Variants in KCNH2 observed in about 807,000 individuals in gnomAD.
The protein encoded by KCNH2 is voltage-gated inwardly rectifying potassium channel KCNH2.
Under a neutral mutation model 95.9 loss-of-function variants are expected in KCNH2, and 35 were observed. The observed-to-expected ratio is 0.37, with a 90% confidence interval of 0.28 to 0.48. The LOEUF is 0.48. Ranked by LOEUF, KCNH2 falls within the 20% of genes least tolerant of loss-of-function variation. The pLI is 0.99. For missense variants in KCNH2, 1,274 were observed against 1,702.9 expected, an observed-to-expected ratio of 0.75 and a Z score of 4.43; for synonymous variants, 786 against 754.7, an observed-to-expected ratio of 1.04 and a Z score of -0.68.
Position 150,947,982 on chromosome 7 carries a change from G to A in KCNH2, c.2693-104C>T. On this transcript the variant is annotated intron_variant, in intron 11 of 14. Transcript: ENST00000262186. ...GCGAGCCCGAGAGAGGACTGGGCAG[G>A]AAGCCCTGGTTTGTCCCCAGTCGCT... is the stretch of plus-strand genomic sequence containing the variant. 3 of 1,353,766 alleles carry A rather than the reference G, an allele frequency of 2.2e-6. No homozygotes were observed. The South Asian group carries it at 4.4e-5, about 20-fold the overall frequency. The allele number at this position is 1,353,766 out of a possible 1,614,324, so 83.9% of individuals were successfully genotyped here.
In KCNH2 at chr7:150,961,187, C is replaced by T. The variant is rs897826850; in HGVS notation, c.308-1451G>A. Among the ~76,000 whole-genome samples, 1 of 152,150 alleles carries T rather than the reference C, an allele frequency of 6.6e-6. No homozygotes were observed. Among genetic ancestry groups the T allele is most frequent in the African/African-American group, 2.4e-5 (1 of 41,420 alleles). ...TCATACGCCCTGGGGCCAGCACTGGCTGGTGGTGTCAGTGACAGGCCATGC... is the reference window on the plus strand; with the variant it reads ...TCATACGCCCTGGGGCCAGCACTGGTTGGTGGTGTCAGTGACAGGCCATGC... On this transcript the variant is annotated intron_variant, in intron 2 of 14. Transcript: ENST00000262186. This position sits in a 1 kb window ranked among gnomAD's most constrained non-coding sequence, Gnocchi z 6.2.
chr7:150,964,793 C>G (rs1327390492), intron 2 of KCNH2, among the ~76,000 whole-genome samples: 2 of 152,254 alleles, frequency 1.3e-5, no homozygotes, highest in Non-Finnish European at 2.9e-5. Context: ...TGTCCGCCCC[C>G]AGGCAGAGAG....
At chr7:150,967,538 C>T (rs557961739) in intron 2 of KCNH2, among the ~76,000 whole-genome samples, 17 of 152,222 alleles carry the variant, frequency 1.1e-4, no homozygotes, top group Non-Finnish European at 1.9e-4. Flanking sequence ...CACAATTCAG[C>T]GGAAAAGAAC....
intron 5 of KCNH2, among the ~76,000 whole-genome samples, chr7:150,956,999 C>G (rs1801395862): frequency 6.6e-6 from 1 of 152,212 alleles, no homozygotes; most frequent in Admixed American, 6.5e-5. Context: ...CTCAACTGCC[C>G]TGTCCTCACC....
chr7:150,960,735 T>C lies in KCNH2; in HGVS notation c.308-999A>G, dbSNP rs1042765048. On this transcript the variant is annotated intron_variant, in intron 2 of 14. Coordinates refer to ENST00000262186, the MANE Select transcript of KCNH2 (RefSeq NM_000238.4). Reference sequence around the variant, plus strand: ...CTCGCCTCGCGTTCCCCTCGATCCTTGACTTTTTCTTTTCCAGTCTCTCTC... The same window carrying C: ...CTCGCCTCGCGTTCCCCTCGATCCTCGACTTTTTCTTTTCCAGTCTCTCTC... Among the ~76,000 whole-genome samples the C allele has an allele frequency of 2.0e-4, 30 of 152,124 alleles. 2 individuals carry two copies. Among genetic ancestry groups the C allele is most frequent in the Non-Finnish European group, 5.9e-5 (4 of 68,014 alleles).
At position 150,949,182 on chromosome 7, in the gene KCNH2, C is replaced by A. The variant is rs41314360; in HGVS notation, c.2399-133G>T. On this transcript the variant is annotated intron_variant, in intron 9 of 14. Coordinates refer to ENST00000262186, the MANE Select transcript of KCNH2 (RefSeq NM_000238.4). ...GGGTCGCCTGCCAGCCGGCCCCCAA[C>A]CCACACAACCGGGGAAGCAATCTGC... 2,269 of 1,095,900 alleles carry A rather than the reference C, an allele frequency of 2.1e-3. 33 individuals are homozygous for A. The African/African-American group carries it at 0.029, about 14-fold the overall frequency. 67.9% of individuals were successfully genotyped at this position (1,095,900 alleles called of 1,614,324 possible). A position where few individuals can be genotyped will look rare whatever the true frequency, so the allele number is the denominator to read the frequency against.
intron 1 of KCNH2, among the ~76,000 whole-genome samples, chr7:150,976,816 A>C: frequency 9.2e-6 from 1 of 108,348 alleles, no homozygotes. Flanking sequence ...GGAGGCCCTC[A>C]ACCAGTGTCA....
chr7:150,970,263 C>G (rs1012546972), intron 2 of KCNH2, among the ~76,000 whole-genome samples: 9 of 139,470 alleles, frequency 6.5e-5, no homozygotes, highest in Non-Finnish European at 1.2e-4. Context: ...CAGTCTCCCC[C>G]CTCACACACC....
At chr7:150,966,548 G>A (rs965467903) in intron 2 of KCNH2, among the ~76,000 whole-genome samples, 10 of 151,936 alleles carry the variant, frequency 6.6e-5, no homozygotes, top group Non-Finnish European at 1.2e-4. Context: ...TGCAGATGAC[G>A]GGGTCACTTG....
Position 150,945,237 on chromosome 7 carries a change from G to A in KCNH2, c.*128C>T. On this transcript the variant is annotated 3_prime_UTR_variant, in exon 15 of 15. Coordinates refer to ENST00000262186, the MANE Select transcript of KCNH2 (RefSeq NM_000238.4). The surrounding 1 kb of genome is among the most constrained non-coding windows in gnomAD (Gnocchi z 5.6). ...GAGAAGATGGTCCCAAGGGCTGGGG[G>A]AGGAGCTGTGCTTTCGAGTTCCTCT... 9.5e-7 allele frequency: 1 copy of A among 1,054,996 alleles called. No homozygotes were observed. Among genetic ancestry groups the A allele is most frequent in the South Asian group, 1.6e-5 (1 of 60,854 alleles). 65.4% of individuals were successfully genotyped at this position (1,054,996 alleles called of 1,614,324 possible). A position where few individuals can be genotyped will look rare whatever the true frequency, so the allele number is the denominator to read the frequency against.
Position 150,947,030 on chromosome 7 carries a change from G to A in KCNH2, c.3177C>T (p.Asp1059=), listed in dbSNP as rs773125785. 1.2e-6 allele frequency: 2 copies of A among 1,606,424 alleles called. No homozygotes were observed. Among genetic ancestry groups the A allele is most frequent in the South Asian group, 1.1e-5 (1 of 90,588 alleles). The change falls in exon 14 of 15, where the codon GAC becomes GAT. Residue 1059 remains aspartate, a synonymous_variant. Transcript: ENST00000262186. ...GTAGCAGCTGCAGGACAGTGGCCAT[G>A]TCTGCACTCAGCCGGGTCTCCAGCC... ...LNRLETRLSA[D]MATVLQLLQR... is the part of the protein sequence containing the mutation.
At chr7:150,968,369 G>A (rs1039079302) in intron 2 of KCNH2, among the ~76,000 whole-genome samples, 2 of 152,218 alleles carry the variant, frequency 1.3e-5, no homozygotes, top group African/African-American at 4.8e-5. Context: ...CTCCCCGGGA[G>A]AGTGGGTGGG....
rs1263550894 is a variant in KCNH2, at chr7:150,946,850, C to A, written c.3330+27G>T. ...ATCGGGGAACAAGCGGGTCACGGTACATCGAGGAAGCAGGGCTGGAGCTTA... is the reference window on the plus strand; with the variant it reads ...ATCGGGGAACAAGCGGGTCACGGTAAATCGAGGAAGCAGGGCTGGAGCTTA... On this transcript the variant is annotated intron_variant, in intron 14 of 14. Coordinates refer to ENST00000262186, the MANE Select transcript of KCNH2 (RefSeq NM_000238.4). This position sits in a 1 kb window ranked among gnomAD's most constrained non-coding sequence, Gnocchi z 6.5. The A allele has an allele frequency of 6.3e-7, 1 of 1,588,538 alleles. No individual in the cohort carries two copies. Among genetic ancestry groups the A allele is most frequent in the South Asian group, 1.1e-5 (1 of 88,392 alleles).
In KCNH2 at chr7:150,950,939, G is replaced by A. The variant is rs768572372; in HGVS notation, c.2127C>T (p.Asn709=). Residue 709 remains asparagine, a synonymous_variant, in exon 8 of 15, where the codon AAC becomes AAT. Coordinates refer to ENST00000262186, the MANE Select transcript of KCNH2 (RefSeq NM_000238.4). The part of the protein sequence containing the change: ...EYFQHAWSYT[N]GIDMNAVLKG... ...GCCTCACCGCGTTCATGTCGATGCC[G>A]TTGGTGTAGGACCAGGCGTGCTGGA... 8.5e-5 allele frequency: 138 copies of A among 1,614,082 alleles called. No individual in the cohort carries two copies. In the South Asian group the frequency reaches 1.3e-3, roughly 15 times the overall value.
intron 5 of KCNH2, chr7:150,955,938 G>A (rs1275904159): frequency 1.1e-4 from 86 of 753,204 alleles, no homozygotes; most frequent in East Asian, 1.3e-4. Context: ...CTCCTGCAGC[G>A]GCGCTCCCGC....
At position 150,951,650 on chromosome 7, in the gene KCNH2, T is replaced by G. The variant is rs1244322669; in HGVS notation, c.1743A>C (p.Ser581=). The G allele has an allele frequency of 6.2e-7, 1 of 1,614,114 alleles. No homozygotes were observed. The highest frequency in any genetic ancestry group is 8.5e-7 in the Non-Finnish European group (1 of 1,180,040). The part of the protein sequence containing the change: ...IGNMEQPHMD[S]RIGWLHNLGD... ...CCAGGTTGTGCAGCCAGCCGATGCG[T>G]GAGTCCATGTGTGGCTGCTCCATGT... The change falls in exon 7 of 15, where the codon TCA becomes TCC. Residue 581 remains serine, a synonymous_variant. Transcript: ENST00000262186.
At chr7:150,977,288 G>A (rs1450095122) in intron 1 of KCNH2, among the ~76,000 whole-genome samples, 4 of 152,212 alleles carry the variant, frequency 2.6e-5, no homozygotes, top group Non-Finnish European at 2.9e-5. Flanking sequence ...CCTCCCCACC[G>A]CCCATACAGG....
intron 2 of KCNH2, among the ~76,000 whole-genome samples, chr7:150,969,533 C>T (rs1160019124): frequency 6.6e-6 from 1 of 152,158 alleles, no homozygotes; most frequent in South Asian, 2.1e-4. Flanking sequence ...TAGAGGACTC[C>T]CAGACACAGC....
At position 150,952,441 on chromosome 7, in the gene KCNH2, C is replaced by A; in HGVS notation, c.1541G>T (p.Gly514Val). ...AAIPFDLLIF[G>V]SGSEELIGLL... is the part of the protein sequence containing the mutation. Reference sequence around the variant, plus strand: ...TGACCCCACCTCCTCAGAGCCAGAGCCGAAGATGAGCAGGTCGAAGGGGAT... The same window carrying A: ...TGACCCCACCTCCTCAGAGCCAGAGACGAAGATGAGCAGGTCGAAGGGGAT... The change falls in exon 6 of 15, where the codon GGC becomes GTC. Residue 514 changes from glycine to valine, a missense_variant. Physicochemically the swap from Gly to Val is moderately radical, Grantham distance 109. Coordinates refer to ENST00000262186, the MANE Select transcript of KCNH2 (RefSeq NM_000238.4). This position sits in a 1 kb window ranked among gnomAD's most constrained non-coding sequence, Gnocchi z 7.3. The A allele has an allele frequency of 6.2e-7, 1 of 1,614,088 alleles. No homozygotes were observed. Among genetic ancestry groups the A allele is most frequent in the Non-Finnish European group, 8.5e-7 (1 of 1,179,988 alleles).
Sources: gnomAD v4.1 joint callset for allele counts (sites outside exome capture counted in the v4.1 genomes callset) on GRCh38, gnomAD v4.1.1 for gene constraint, Gnocchi (gnomAD v3.1) non-coding constraint, MANE v1.5 for transcripts, NCBI Gene and HGNC (gene_info 2026-07-23, HGNC 2026-07-21) for gene names.